Variants in ELSPBP1 observed in about 807,000 individuals in gnomAD.
ELSPBP1 encodes epididymal sperm-binding protein 1.
In ELSPBP1, 38 loss-of-function variants were observed where a neutral mutation model predicts 33.3. The observed-to-expected ratio is 1.14, with a 90% CI of 0.88 to 1.50. The LOEUF (loss-of-function observed/expected upper bound fraction) is 1.50, where lower values mean the gene tolerates loss of function less well. ELSPBP1 is among the 40% of genes most tolerant of loss of function. ELSPBP1 has a pLI of 0.00. For missense variants in ELSPBP1, 267 were observed against 263.5 expected (o/e 1.01, Z -0.09); for synonymous variants, 85 against 94.1 (o/e 0.90, Z 0.56).
At chr19:48,008,003 T>A (rs1967039107) in intron 1 of ELSPBP1, among the ~76,000 whole-genome samples, 1 of 152,184 alleles carries the variant, frequency 6.6e-6, no homozygotes, top group South Asian at 2.1e-4. Flanking sequence ...ACAGTAGAGT[T>A]ATGCATCAGG....
intron 6 of ELSPBP1, among the ~76,000 whole-genome samples, chr19:48,023,054 A>G (rs1967219545): frequency 6.6e-6 from 1 of 151,398 alleles, no homozygotes; most frequent in Non-Finnish European, 1.5e-5. Flanking sequence ...AGAAAGAAAA[A>G]GAGAAAGATG....
chr19:48,019,943 CT>C, intron 5 of ELSPBP1, 66 bp downstream of exon 5: 1 of 1,525,338 alleles, frequency 6.6e-7, no homozygotes, highest in Non-Finnish European at 8.9e-7. Flanking sequence ...CAACAAACAC[CT>C]CCTGAAACCC....
intron 1 of ELSPBP1, among the ~76,000 whole-genome samples, chr19:48,002,942 G>C (rs1428284637): frequency 1.3e-5 from 2 of 152,148 alleles, no homozygotes; most frequent in Non-Finnish European, 2.9e-5. Context: ...TCCCTCATTT[G>C]ATGATTGGAA....
At chr19:48,016,158 G>A (rs1753846501) in intron 4 of ELSPBP1, 119 bp downstream of exon 4, 11 of 1,210,490 alleles carry the variant, frequency 9.1e-6, no homozygotes, top group Non-Finnish European at 1.3e-5. Flanking sequence ...GTACTTACAG[G>A]AGCCAAGTGT....
chr19:48,024,725 C>T (rs956203771), intron 6 of ELSPBP1, among the ~76,000 whole-genome samples: 3 of 152,130 alleles, frequency 2.0e-5, no homozygotes, highest in Non-Finnish European at 4.4e-5. Context: ...CTTTGCAGGT[C>T]CCCTTCCCCT....
intron 1 of ELSPBP1, among the ~76,000 whole-genome samples, chr19:47,996,446 G>A (rs1268845612): frequency 1.2e-4 from 19 of 152,212 alleles, no homozygotes; most frequent in South Asian, 2.1e-4. Context: ...ATAAATGAAT[G>A]GACAGATGAG....
In ELSPBP1 at chr19:48,021,405, T is replaced by C. The variant is rs574456374; in HGVS notation, c.515-765T>C. 1.0e-3 allele frequency among the ~76,000 whole-genome samples: 102 copies of C among 102,336 alleles called. No individual in the cohort carries two copies. The East Asian group carries it at 0.051, about 52-fold the overall frequency. The allele number at this position is 102,336 out of a possible 152,430, so 67.1% of individuals were successfully genotyped here. On this transcript the variant is annotated intron_variant, in intron 5 of 6. Transcript: ENST00000339841. ...TAGGGTTTACCCAGATTTTATTTTT[T>C]AGTTTTTTTTTTTTTTTACTTTTTA...
intron 5 of ELSPBP1, 38 bp downstream of exon 5, chr19:48,019,915 G>A: frequency 1.3e-6 from 2 of 1,591,768 alleles, no homozygotes; most frequent in East Asian, 2.2e-5. Context: ...TGTGGGTGGA[G>A]TCTTTCTTTC....
intron 1 of ELSPBP1, among the ~76,000 whole-genome samples, chr19:48,005,640 G>A (rs1382500511): frequency 1.3e-5 from 2 of 152,156 alleles, no homozygotes; most frequent in African/African-American, 4.8e-5. Flanking sequence ...TCTCAGAAGT[G>A]AAACAATACT....
At chr19:48,015,259 A>C (rs1488196853) in intron 3 of ELSPBP1, among the ~76,000 whole-genome samples, 2 of 152,162 alleles carry the variant, frequency 1.3e-5, no homozygotes, top group Admixed American at 6.6e-5. Context: ...GAGGAAGAGG[A>C]AGGGTTGGTC....
rs893521622 is a variant in ELSPBP1, at chr19:48,015,789, C to T, written c.209-104C>T. On this transcript the variant is annotated intron_variant, in intron 3 of 6. Coordinates refer to ENST00000339841, the MANE Select transcript of ELSPBP1 (RefSeq NM_022142.5). ...AATAATGCATAAAGTCTCTTCTGAA[C>T]CTTATGTCTGTCCTGTCCTATGATG... The T allele has an allele frequency of 5.5e-6, 6 of 1,096,300 alleles. No homozygotes were observed. The African/African-American group carries it at 9.4e-5, about 17-fold the overall frequency. The allele number at this position is 1,096,300 out of a possible 1,614,324, so 67.9% of individuals were successfully genotyped here. A position where few individuals can be genotyped will look rare whatever the true frequency, so the allele number is the denominator to read the frequency against.
In ELSPBP1 at chr19:48,013,859, G is replaced by T. The variant is rs192647080; in HGVS notation, c.71-312G>T. On this transcript the variant is annotated intron_variant, in intron 2 of 6. Coordinates refer to ENST00000339841, the MANE Select transcript of ELSPBP1 (RefSeq NM_022142.5). ...CCAGCAGTTTCAGTTGCTGGTGAGG[G>T]CCTGCCTCCTGGTTCACAGATGGTG... Among the ~76,000 whole-genome samples the T allele has an allele frequency of 1.6e-4, 24 of 152,274 alleles. No individual in the cohort carries two copies. In the East Asian group the frequency reaches 4.4e-3, roughly 28 times the overall value.
At chr19:48,021,048 A>G (rs1668245773) in intron 5 of ELSPBP1, among the ~76,000 whole-genome samples, 1 of 152,200 alleles carries the variant, frequency 6.6e-6, no homozygotes, top group African/African-American at 2.4e-5. Context: ...CTGTGGATAG[A>G]GGCTTCCAGT....
At position 48,011,612 on chromosome 19, in the gene ELSPBP1, AATG is replaced by A. The variant is rs1225965554; in HGVS notation, c.71-2551_71-2549del. 9.5e-6 allele frequency among the ~76,000 whole-genome samples: 1 copy of A among 105,284 alleles called. No homozygotes were observed. The highest frequency in any genetic ancestry group is 2.1e-5 in the Non-Finnish European group (1 of 48,602). 69.1% of individuals were successfully genotyped at this position (105,284 alleles called of 152,430 possible). ...CAATAATGAGGTGGATTATGATGAC[AATG>A]ATGATGACAACGATGATGATGATCA... On this transcript the variant is annotated intron_variant, in intron 2 of 6. Transcript: ENST00000339841. The surrounding 1 kb of genome is among the most constrained non-coding windows in gnomAD (Gnocchi z 4.5).
At chr19:48,008,572 TG>T in intron 1 of ELSPBP1, 78 bp from the exon 2 acceptor site, 1 of 937,390 alleles carries the variant, frequency 1.1e-6, no homozygotes, top group Non-Finnish European at 1.7e-6. Context: ...AAAAATGGCA[TG>T]TATGACGTCA....
At chr19:48,023,529 G>GGGGAAGGAGGGAAGAAAGGAAGGA (rs143871056) in intron 6 of ELSPBP1, among the ~76,000 whole-genome samples, 1 of 106,812 alleles carries the variant, frequency 9.4e-6, no homozygotes, top group Non-Finnish European at 2.0e-5. Flanking sequence ...GGAAGGAAGG[G>GGGGAAGGAGGGAAGAAAGGAAGGA]AGGAAGGAAA....
intron 4 of ELSPBP1, among the ~76,000 whole-genome samples, 172 bp from the exon 5 acceptor site, chr19:48,019,547 G>T (rs928929573): frequency 6.6e-6 from 1 of 152,158 alleles, no homozygotes; most frequent in Non-Finnish European, 1.5e-5. Flanking sequence ...TGATAGTTTT[G>T]GTTCTCACTT....
chr19:48,007,094 T>C (rs1462835421), intron 1 of ELSPBP1, among the ~76,000 whole-genome samples: 1 of 152,162 alleles, frequency 6.6e-6, no homozygotes, highest in Non-Finnish European at 1.5e-5. Flanking sequence ...TCCCGAGCTA[T>C]CCTGACCTTG....
chr19:48,015,513 C>T (rs1201633976), intron 3 of ELSPBP1, among the ~76,000 whole-genome samples: 1 of 152,044 alleles, frequency 6.6e-6, no homozygotes, highest in African/African-American at 2.4e-5. Context: ...AAAAAATTAG[C>T]TGGGTGTGGT....
Sources: allele counts gnomAD v4.1 joint callset (sites outside exome capture counted in the v4.1 genomes callset), GRCh38; gene constraint gnomAD v4.1.1; non-coding constraint Gnocchi (gnomAD v3.1); transcripts MANE v1.5; gene names NCBI Gene and HGNC (gene_info 2026-07-23, HGNC 2026-07-21).